RNF216: variants seen among roughly 807,000 people sequenced by gnomAD.
RNF216 encodes ring finger protein 216, also known as E3 ubiquitin-protein ligase RNF216.
In RNF216, 72 loss-of-function variants were observed where a neutral mutation model predicts 110.8. The observed-to-expected ratio is 0.65, with a 90% CI of 0.54 to 0.79. The LOEUF (loss-of-function observed/expected upper bound fraction) is 0.79. Among genes scored for constraint, RNF216 ranks in the 30% least tolerant of loss-of-function variants. The pLI is 0.00. For missense variants in RNF216, 1,342 were observed against 1,141.2 expected, an observed-to-expected ratio of 1.18 and a Z score of -2.54; for synonymous variants, 495 against 407.5, an observed-to-expected ratio of 1.21 and a Z score of -2.59.
intron 14 of RNF216, among the ~76,000 whole-genome samples, chr7:5,649,387 A>AAAGG (rs1788247474): frequency 9.0e-5 from 2 of 22,322 alleles, no homozygotes; most frequent in African/African-American, 9.8e-4. Flanking sequence ...TCTCCAAAGG[A>AAAGG]AAAAAAAAAA....
chr7:5,739,216 T>C (rs117488276), intron 5 of RNF216, 60 bp downstream of exon 5: 38,385 of 1,441,564 alleles, frequency 0.027, 585 homozygotes, highest in Non-Finnish European at 0.031. Flanking sequence ...GTAAATTTTT[T>C]ATTACATATA....
chr7:5,780,773 G>A (rs1444918113), intron 1 of RNF216, among the ~76,000 whole-genome samples: 1 of 152,168 alleles, frequency 6.6e-6, no homozygotes, highest in Non-Finnish European at 1.5e-5. Flanking sequence ...TAAGTACCTA[G>A]GACAGCTGCT....
chr7:5,648,905 T>C (rs375306690), intron 14 of RNF216, among the ~76,000 whole-genome samples: 10 of 152,216 alleles, frequency 6.6e-5, no homozygotes, highest in African/African-American at 2.4e-4. Flanking sequence ...GTAAAGCTAA[T>C]TTGAGATAAT....
Position 5,741,273 on chromosome 7 carries a change from C to G in RNF216, c.744G>C (p.Gln248His), listed in dbSNP as rs764228194. Residue 248 changes from glutamine to histidine, a missense_variant, in exon 4 of 17, where the codon CAG becomes CAC. Physicochemically the swap from Gln to His is conservative, Grantham distance 24. Transcript: ENST00000389902. ...CAGGCTGCCGTTCCTGAGGAACGACCTGGTTTGTTATTTCACGGGGCTGTT... is the reference window on the plus strand; with the variant it reads ...CAGGCTGCCGTTCCTGAGGAACGACGTGGTTTGTTATTTCACGGGGCTGTT... Reference protein sequence around the residue: ...LNQQPREITNQVVPQERQPEA... With the variant: ...LNQQPREITNHVVPQERQPEA... 1.6e-5 allele frequency: 26 copies of G among 1,613,958 alleles called. No homozygotes were observed. In the South Asian group the frequency reaches 2.6e-4, roughly 16 times the overall value.
At chr7:5,632,154 A>G (rs551940638) in intron 15 of RNF216, among the ~76,000 whole-genome samples, 1 of 152,308 alleles carries the variant, frequency 6.6e-6, no homozygotes, top group African/African-American at 2.4e-5. Flanking sequence ...ACCTGAACCT[A>G]TTTGAGATCT....
At chr7:5,692,313 G>T (rs1236302038) in intron 13 of RNF216, among the ~76,000 whole-genome samples, 4 of 152,182 alleles carry the variant, frequency 2.6e-5, no homozygotes, top group Non-Finnish European at 5.9e-5. Flanking sequence ...CACATACTAG[G>T]AAAGTAACAA....
chr7:5,750,077 T>C (rs1209239306), intron 3 of RNF216, among the ~76,000 whole-genome samples: 1 of 152,262 alleles, frequency 6.6e-6, no homozygotes, highest in East Asian at 1.9e-4. Flanking sequence ...TATTCTTATT[T>C]TTATGGCAAT....
chr7:5,777,359 A>T (rs1796841008), intron 1 of RNF216: 1 of 152,254 alleles, frequency 6.6e-6, no homozygotes, highest in Non-Finnish European at 1.5e-5. Flanking sequence ...AACAGAGCTC[A>T]GATTTTATTT....
Position 5,641,136 on chromosome 7 carries a change from A to T in RNF216, c.2382+18T>A. The T allele has an allele frequency of 6.4e-7, 1 of 1,553,876 alleles. No individual in the cohort carries two copies. The stretch of plus-strand genomic sequence containing the variant: ...ATTTTCTCCCTATAAAGCAATAGGC[A>T]GCCATGTGTCTACTTACAGTGGGAT... On this transcript the variant is annotated intron_variant, in intron 15 of 16. Transcript: ENST00000389902.
Position 5,680,567 on chromosome 7 carries a change from A to G in RNF216, c.2062-28057T>C, listed in dbSNP as rs1790585717. ...CAGGCGCGCACCACCATGCTCAGCT[A>G]ATTTTTTTTGTATTTTACTAGAGAC... On this transcript the variant is annotated intron_variant, in intron 13 of 16. Transcript: ENST00000389902. The surrounding 1 kb of genome is among the most constrained non-coding windows in gnomAD (Gnocchi z 4.3). 1 of 151,626 alleles carries G rather than the reference A, an allele frequency of 6.6e-6. No individual in the cohort carries two copies. The highest frequency in any genetic ancestry group is 6.6e-5 in the Admixed American group (1 of 15,238). 9.4% of individuals were successfully genotyped at this position (151,626 alleles called of 1,614,324 possible). A position where few individuals can be genotyped will look rare whatever the true frequency, so the allele number is the denominator to read the frequency against.
At chr7:5,754,118 T>TGG (rs1204218110) in intron 2 of RNF216, among the ~76,000 whole-genome samples, 2 of 125,902 alleles carry the variant, frequency 1.6e-5, no homozygotes, top group African/African-American at 3.0e-5. Flanking sequence ...TTCTTTTGTG[T>TGG]GGTGTGTGTG....
intron 1 of RNF216, among the ~76,000 whole-genome samples, chr7:5,772,062 T>C (rs888532437): frequency 3.3e-5 from 5 of 152,034 alleles, no homozygotes; most frequent in African/African-American, 1.2e-4. Context: ...GGAGAAACCC[T>C]GTCTCTACTA....
At chr7:5,758,286 C>G (rs1202243091) in intron 2 of RNF216, among the ~76,000 whole-genome samples, 1 of 152,144 alleles carries the variant, frequency 6.6e-6, no homozygotes, top group Non-Finnish European at 1.5e-5. Context: ...TAAATTATGG[C>G]TACAATCACT....
intron 13 of RNF216, among the ~76,000 whole-genome samples, chr7:5,708,037 G>C (rs1792413998): frequency 6.6e-6 from 1 of 152,132 alleles, no homozygotes. Context: ...AGTGTGTTTA[G>C]TTCTCATACT....
In RNF216 at chr7:5,680,734, C is replaced by T. The variant is rs754499830; in HGVS notation, c.2062-28224G>A. On this transcript the variant is annotated intron_variant, in intron 13 of 16. Coordinates refer to ENST00000389902, the MANE Select transcript of RNF216 (RefSeq NM_207111.4). The surrounding 1 kb of genome is among the most constrained non-coding windows in gnomAD (Gnocchi z 4.3). Reference sequence around the variant, plus strand: ...CTTCTACTTGGATATCTAAAAGGCACCCCAGACAAAAGATGTCTGAAGCAC... The same window carrying T: ...CTTCTACTTGGATATCTAAAAGGCATCCCAGACAAAAGATGTCTGAAGCAC... 6.6e-6 allele frequency among the ~76,000 whole-genome samples: 1 copy of T among 152,048 alleles called. No individual in the cohort carries two copies. The highest frequency in any genetic ancestry group is 2.4e-5 in the African/African-American group (1 of 41,390).
intron 14 of RNF216, among the ~76,000 whole-genome samples, chr7:5,647,741 G>A (rs1237875446): frequency 6.6e-6 from 1 of 151,972 alleles, no homozygotes; most frequent in Non-Finnish European, 1.5e-5. Context: ...CTTACTTCCC[G>A]TATCTATCAG....
chr7:5,664,682 C>T (rs181652669), intron 13 of RNF216, among the ~76,000 whole-genome samples: 43 of 152,338 alleles, frequency 2.8e-4, no homozygotes, highest in Non-Finnish European at 4.7e-4. Context: ...GGCCAGTTGC[C>T]GCCCAAGGGT....
chr7:5,763,423 G>C (rs577086975), intron 1 of RNF216, among the ~76,000 whole-genome samples: 154 of 152,236 alleles, frequency 1.0e-3, no homozygotes, highest in African/African-American at 3.6e-3. Context: ...TTGAGGTCAG[G>C]AGTTTGATAC....
intron 13 of RNF216, among the ~76,000 whole-genome samples, chr7:5,656,055 G>A (rs943653495): frequency 1.3e-5 from 2 of 152,014 alleles, no homozygotes; most frequent in Non-Finnish European, 2.9e-5. Context: ...GATTACCTGA[G>A]GTCAGGAGTT....
Sources: gnomAD v4.1 joint callset for allele counts (sites outside exome capture counted in the v4.1 genomes callset) on GRCh38, gnomAD v4.1.1 for gene constraint, Gnocchi (gnomAD v3.1) non-coding constraint, MANE v1.5 for transcripts, NCBI Gene and HGNC (gene_info 2026-07-23, HGNC 2026-07-21) for gene names.